Variants in TIMP2 observed in about 807,000 individuals in gnomAD.
The protein encoded by TIMP2 is metalloproteinase inhibitor 2.
A neutral mutation model predicts 24.3 loss-of-function variants in TIMP2; 5 were observed. The ratio of observed to expected loss-of-function variants is 0.21; its 90% CI spans 0.11 to 0.43. The LOEUF (loss-of-function observed/expected upper bound fraction) is 0.43. Among genes scored for constraint, TIMP2 ranks in the 20% least tolerant of loss-of-function variants. The probability of loss-of-function intolerance (pLI) is 1.00; values close to 1 mark genes in which losing one functional copy is unlikely to be tolerated. For synonymous variants in TIMP2, 130 were observed against 123.2 expected, an observed-to-expected ratio of 1.06 and a Z score of -0.37; for missense variants, 221 against 297.5, an observed-to-expected ratio of 0.74 and a Z score of 1.89.
At position 78,920,596 on chromosome 17, in the gene TIMP2, C is replaced by T. The variant is rs1599180081; in HGVS notation, c.130+4363G>A. Among the ~76,000 whole-genome samples, 1 of 152,162 alleles carries T rather than the reference C, an allele frequency of 6.6e-6. No homozygotes were observed. Among genetic ancestry groups the T allele is most frequent in the African/African-American group, 2.4e-5 (1 of 41,448 alleles). On this transcript the variant is annotated intron_variant, in intron 1 of 4. Coordinates refer to ENST00000262768, the MANE Select transcript of TIMP2 (RefSeq NM_003255.5). The surrounding 1 kb of genome is among the most constrained non-coding windows in gnomAD (Gnocchi z 4.5). Reference sequence around the variant, plus strand: ...CCAAGGACGCTGTTCAAAACCAAGCCGAAGAGCCTCAGTTCTCCCCACAGC... The same window carrying T: ...CCAAGGACGCTGTTCAAAACCAAGCTGAAGAGCCTCAGTTCTCCCCACAGC...
intron 1 of TIMP2, among the ~76,000 whole-genome samples, chr17:78,909,390 C>G (rs4789858): frequency 0.56 from 85,424 of 151,198 alleles, 24,835 homozygotes; most frequent in African/African-American, 0.71. Context: ...AGGAGCCCAC[C>G]TGTCCCCAGA....
chr17:78,885,611 G>T (rs1336321228), intron 1 of TIMP2, among the ~76,000 whole-genome samples: 1 of 152,242 alleles, frequency 6.6e-6, no homozygotes, highest in African/African-American at 2.4e-5. Flanking sequence ...AAGGCAGGGG[G>T]CAGGCCCTGT....
intron 1 of TIMP2, among the ~76,000 whole-genome samples, chr17:78,893,550 T>C (rs141784142): frequency 1.3e-5 from 2 of 151,966 alleles, no homozygotes; most frequent in East Asian, 3.9e-4. Flanking sequence ...TGCACATGCC[T>C]GCACATCTGT....
At chr17:78,862,473 C>G (rs1266713374) in intron 3 of TIMP2, among the ~76,000 whole-genome samples, 2 of 152,234 alleles carry the variant, frequency 1.3e-5, no homozygotes, top group Non-Finnish European at 2.9e-5. Context: ...CCTGCTCCCC[C>G]TCCCAGGGAG....
At chr17:78,904,239 T>A (rs1390234102) in intron 1 of TIMP2, 2 of 151,956 alleles carry the variant, frequency 1.3e-5, no homozygotes, top group Non-Finnish European at 2.9e-5. Context: ...GCCCAAGATA[T>A]GTTTTAGTAA....
At chr17:78,886,462 G>A (rs1170425580) in intron 1 of TIMP2, among the ~76,000 whole-genome samples, 1 of 152,164 alleles carries the variant, frequency 6.6e-6, no homozygotes, top group Non-Finnish European at 1.5e-5. Flanking sequence ...CAGAGGTGAT[G>A]CTACACTGAC....
At position 78,882,317 on chromosome 17, in the gene TIMP2, CA is replaced by C. The variant is rs1356430487; in HGVS notation, c.131-8399del. 7.2e-5 allele frequency among the ~76,000 whole-genome samples: 11 copies of C among 152,150 alleles called. 1 individual carries two copies. The highest frequency in any genetic ancestry group is 5.9e-4 in the Admixed American group (9 of 15,274). On this transcript the variant is annotated intron_variant, in intron 1 of 4. Transcript: ENST00000262768. ...TCTAAAGCGCCAGCTGAGGGTGTAC[CA>C]GGGGCCCCTCTGCCCCAGCCACCCA...
intron 3 of TIMP2, among the ~76,000 whole-genome samples, chr17:78,858,854 T>C (rs2069546078): frequency 6.6e-6 from 1 of 152,026 alleles, no homozygotes; most frequent in African/African-American, 2.4e-5. Flanking sequence ...AATTTTATTC[T>C]AAAAAAAGGA....
intron 1 of TIMP2, among the ~76,000 whole-genome samples, chr17:78,878,620 G>A (rs2145758700): frequency 6.6e-6 from 1 of 152,242 alleles, no homozygotes; most frequent in East Asian, 1.9e-4. Flanking sequence ...TCTTTAAAGT[G>A]TCAGAAAAGA....
Position 78,891,579 on chromosome 17 carries a change from C to G in TIMP2, c.131-17660G>C. 6.4e-7 allele frequency: 1 copy of G among 1,550,860 alleles called. No homozygotes were observed. Among genetic ancestry groups the G allele is most frequent in the Non-Finnish European group, 8.7e-7 (1 of 1,147,052 alleles). On this transcript the variant is annotated intron_variant, in intron 1 of 4. Coordinates refer to ENST00000262768, the MANE Select transcript of TIMP2 (RefSeq NM_003255.5). This position sits in a 1 kb window ranked among gnomAD's most constrained non-coding sequence, Gnocchi z 4.5. ...CTGGAATCAGCTGGCCACAGCTGCC[C>G]GAGGTCTCTCAGCTTCCCCTCCAGA...
At position 78,924,900 on chromosome 17, in the gene TIMP2, C is replaced by G; in HGVS notation, c.130+59G>C. The G allele has an allele frequency of 9.1e-7, 1 of 1,101,744 alleles. No homozygotes were observed. Among genetic ancestry groups the G allele is most frequent in the South Asian group, 4.0e-5 (1 of 25,102 alleles). 68.2% of individuals were successfully genotyped at this position (1,101,744 alleles called of 1,614,324 possible). On this transcript the variant is annotated intron_variant, in intron 1 of 4. Transcript: ENST00000262768. The surrounding 1 kb of genome is among the most constrained non-coding windows in gnomAD (Gnocchi z 5.3). The stretch of plus-strand genomic sequence containing the variant: ...GGCGGGCGGGCGGGGCGTCTGCGAA[C>G]CCTCGGGGTCGCGGGGGAGGTGGGG...
At chr17:78,908,645 C>T (rs546279978) in intron 1 of TIMP2, among the ~76,000 whole-genome samples, 21 of 152,326 alleles carry the variant, frequency 1.4e-4, no homozygotes, top group African/African-American at 3.8e-4. Context: ...TCACCTCCCC[C>T]GCAGAGCCTT....
At chr17:78,900,695 G>A (rs1425900737) in intron 1 of TIMP2, among the ~76,000 whole-genome samples, 2 of 152,308 alleles carry the variant, frequency 1.3e-5, no homozygotes, top group East Asian at 3.9e-4. Context: ...CTTGGGGGAG[G>A]TGGAAAATTG....
intron 2 of TIMP2, among the ~76,000 whole-genome samples, chr17:78,872,986 GC>G (rs2069698457): frequency 1.3e-5 from 2 of 151,904 alleles, no homozygotes; most frequent in Non-Finnish European, 2.9e-5. Context: ...TCGCCACCAC[GC>G]CCAGCTAATT....
In TIMP2 at chr17:78,853,968, C is replaced by T. The variant is rs1293323317; in HGVS notation, c.*1699G>A. 6.6e-6 allele frequency: 1 copy of T among 152,198 alleles called. No individual in the cohort carries two copies. The highest frequency in any genetic ancestry group is 2.4e-5 in the African/African-American group (1 of 41,398). 9.4% of individuals were successfully genotyped at this position (152,198 alleles called of 1,614,324 possible). On this transcript the variant is annotated 3_prime_UTR_variant, in exon 5 of 5. Transcript: ENST00000262768. ...TAGGTCACTGTACAGCATGAAAACGCCCGTGGGGCAGGGGCCGATTCCTGG... is the reference window on the plus strand; with the variant it reads ...TAGGTCACTGTACAGCATGAAAACGTCCGTGGGGCAGGGGCCGATTCCTGG...
At chr17:78,897,105 C>G (rs1289261485) in intron 1 of TIMP2, 1 of 552,714 alleles carries the variant, frequency 1.8e-6, no homozygotes, top group Admixed American at 6.4e-5. Context: ...ACCCCCCCGC[C>G]CCCCGCCGGC....
At chr17:78,900,522 G>A (rs909204925) in intron 1 of TIMP2, among the ~76,000 whole-genome samples, 1 of 148,340 alleles carries the variant, frequency 6.7e-6, no homozygotes, top group Non-Finnish European at 1.5e-5. Flanking sequence ...TCTAGCCTAG[G>A]CAACAGAGCA....
In TIMP2 at chr17:78,869,414, CAA is replaced by C. The variant is rs34151423; in HGVS notation, c.340+1482_340+1483del. Among the ~76,000 whole-genome samples, 112 of 135,810 alleles carry C rather than the reference CAA, an allele frequency of 8.2e-4. 1 individual carries two copies. The highest frequency in any genetic ancestry group is 3.6e-3 in the Admixed American group (49 of 13,720). 89.1% of individuals were successfully genotyped at this position (135,810 alleles called of 152,430 possible). A position where few individuals can be genotyped will look rare whatever the true frequency, so the allele number is the denominator to read the frequency against. ...TGGGAAACAGAGCAAGACTTTGTCT[CAA>C]AAAAAAAAAAAACAAACCAAAAAAC... On this transcript the variant is annotated intron_variant, in intron 3 of 4. Coordinates refer to ENST00000262768, the MANE Select transcript of TIMP2 (RefSeq NM_003255.5).
chr17:78,902,054 G>A (rs962431999), intron 1 of TIMP2: 15 of 515,052 alleles, frequency 2.9e-5, no homozygotes, highest in African/African-American at 7.8e-5. Flanking sequence ...CTTGGTTTTC[G>A]CCCTCTTCTC....
Sources: allele counts gnomAD v4.1 joint callset (sites outside exome capture counted in the v4.1 genomes callset), GRCh38; gene constraint gnomAD v4.1.1; non-coding constraint Gnocchi (gnomAD v3.1); transcripts MANE v1.5; gene names NCBI Gene and HGNC (gene_info 2026-07-23, HGNC 2026-07-21).